The following GSE1 variants were observed in gnomAD, a reference collection of about 807,000 sequenced individuals.
GSE1 encodes the protein genetic suppressor element 1.
A neutral mutation model predicts 112.6 loss-of-function variants in GSE1; 32 were observed. The ratio of observed to expected loss-of-function variants is 0.28; its 90% confidence interval spans 0.21 to 0.38. The LOEUF is 0.38. GSE1 is among the 10% of genes least tolerant of loss of function. The pLI is 1.00. For synonymous variants in GSE1, 1,115 were observed against 735.6 expected (o/e 1.52, Z -8.35); for missense variants, 2,348 against 1,699.2 (o/e 1.38, Z -6.71).
At chr16:85,573,365 T>C (rs1347204705) in intron 1 of GSE1, among the ~76,000 whole-genome samples, 2 of 152,216 alleles carry the variant, frequency 1.3e-5, no homozygotes, top group South Asian at 4.1e-4. Flanking sequence ...TCCATGCATC[T>C]GTTGATGACG....
intron 1 of GSE1, among the ~76,000 whole-genome samples, chr16:85,633,394 CCG>C (rs978761914): frequency 5.9e-5 from 9 of 152,338 alleles, no homozygotes; most frequent in Non-Finnish European, 8.8e-5. Context: ...GGCAGAACTC[CCG>C]CCAGTCTTCT....
At chr16:85,625,865 CAGTG>C (rs1220646378) in intron 1 of GSE1, among the ~76,000 whole-genome samples, 2 of 152,116 alleles carry the variant, frequency 1.3e-5, no homozygotes. Flanking sequence ...TGCCGTGGCT[CAGTG>C]AGCGTGGCAG....
At chr16:85,217,244 G>A (rs571316646) in intron 1 of GSE1, among the ~76,000 whole-genome samples, 170 of 152,362 alleles carry the variant, frequency 1.1e-3, no homozygotes, top group African/African-American at 3.9e-3. Flanking sequence ...GACGATGGGG[G>A]AAAAGGGTGG....
chr16:85,456,057 C>T (rs2049817500), intron 2 of GSE1, among the ~76,000 whole-genome samples: 1 of 152,220 alleles, frequency 6.6e-6, no homozygotes, highest in Non-Finnish European at 1.5e-5. Flanking sequence ...AGGATTTGAA[C>T]TTGAGTGGCT....
Position 85,618,346 on chromosome 16 carries a change from A to G in GSE1, c.7+4948A>G, listed in dbSNP as rs2048511039. Among the ~76,000 whole-genome samples the G allele has an allele frequency of 3.9e-5, 6 of 152,240 alleles. No individual in the cohort carries two copies. In the South Asian group the frequency reaches 1.2e-3, roughly 32 times the overall value. ...TTGAGGGTGAGGATGAGATGCTGTAATGCCCGCCACATGCCCCTGACGGGT... is the reference window on the plus strand; with the variant it reads ...TTGAGGGTGAGGATGAGATGCTGTAGTGCCCGCCACATGCCCCTGACGGGT... On this transcript the variant is annotated intron_variant, in intron 1 of 15. Coordinates refer to ENST00000253458, the MANE Select transcript of GSE1 (RefSeq NM_014615.5).
chr16:85,600,098 C>G (rs2047397738), intron 1 of GSE1, among the ~76,000 whole-genome samples: 1 of 152,194 alleles, frequency 6.6e-6, no homozygotes, highest in South Asian at 2.1e-4. Flanking sequence ...GCATTGCAGC[C>G]AGAGAGACAC....
chr16:85,258,930 C>T (rs921613596), intron 1 of GSE1, among the ~76,000 whole-genome samples: 6 of 152,224 alleles, frequency 3.9e-5, no homozygotes, highest in Non-Finnish European at 7.3e-5. Flanking sequence ...GGCAATCGCT[C>T]AGCTGTCAGG....
chr16:85,252,116 A>G (rs575542304), intron 1 of GSE1, among the ~76,000 whole-genome samples: 1 of 152,330 alleles, frequency 6.6e-6, no homozygotes, highest in South Asian at 2.1e-4. Flanking sequence ...TGTGGGATTA[A>G]ACGAAGCTTG....
intron 2 of GSE1, among the ~76,000 whole-genome samples, chr16:85,516,284 G>A (rs1268156432): frequency 6.6e-6 from 1 of 151,968 alleles, no homozygotes; most frequent in African/African-American, 2.4e-5. Context: ...TGCTCTACCT[G>A]TGACCTTGTG....
rs557189820 is a variant in GSE1, at chr16:85,220,965, C to G, written c.2283+49158C>G. On this transcript the variant is annotated intron_variant, in intron 1 of 2. Coordinates refer to the GSE1 transcript ENST00000637419. Reference sequence around the variant, plus strand: ...CCCACCCCCTCCTCCAGTGGCCCCTCTCCCCCTCCCTGGCCCAGCAAGGCA... The same window carrying G: ...CCCACCCCCTCCTCCAGTGGCCCCTGTCCCCCTCCCTGGCCCAGCAAGGCA... Among the ~76,000 whole-genome samples, 580 of 149,924 alleles carry G rather than the reference C, an allele frequency of 3.9e-3. 3 individuals carry two copies. The highest frequency in any genetic ancestry group is 4.5e-3 in the Non-Finnish European group (301 of 67,352).
At chr16:85,209,316 G>C (rs964731024) in intron 1 of GSE1, among the ~76,000 whole-genome samples, 2 of 152,148 alleles carry the variant, frequency 1.3e-5, no homozygotes, top group Non-Finnish European at 2.9e-5. Flanking sequence ...GTCATAGCTG[G>C]CCAGGGCAAC....
intron 2 of GSE1, among the ~76,000 whole-genome samples, chr16:85,464,995 G>C (rs1175478353): frequency 1.1e-4 from 16 of 152,358 alleles, no homozygotes; most frequent in Non-Finnish European, 1.5e-5. Flanking sequence ...AGGAAACAGT[G>C]TGCTCGTTTT....
rs550497655 is a variant in GSE1, at chr16:85,654,397, C to T, written c.546C>T (p.Pro182=). 1.9e-6 allele frequency: 3 copies of T among 1,602,734 alleles called. No individual in the cohort carries two copies. Among genetic ancestry groups the T allele is most frequent in the Non-Finnish European group, 2.6e-6 (3 of 1,174,636 alleles). The part of the protein sequence containing the change: ...IPSHLLSTPY[P]FGLSPSSVVQ... ...CGCACCTGCTCAGCACCCCCTACCC[C>T]TTCGGCCTCTCCCCCAGCTCAGTTG... is the stretch of plus-strand genomic sequence containing the variant. Residue 182 remains proline, a synonymous_variant, in exon 4 of 16, where the codon CCC becomes CCT. Transcript: ENST00000253458.
At chr16:85,282,069 C>G (rs995452046) in intron 1 of GSE1, among the ~76,000 whole-genome samples, 1 of 151,838 alleles carries the variant, frequency 6.6e-6, no homozygotes, top group Non-Finnish European at 1.5e-5. Context: ...ACTCTGTCAC[C>G]CAGGCTGTAG....
At chr16:85,432,655 C>A (rs891718889) in intron 2 of GSE1, among the ~76,000 whole-genome samples, 2 of 152,236 alleles carry the variant, frequency 1.3e-5, no homozygotes, top group Admixed American at 6.5e-5. Flanking sequence ...TCCTCTTCCC[C>A]CATTTCTAAT....
intron 1 of GSE1, among the ~76,000 whole-genome samples, chr16:85,248,714 G>A (rs1320913927): frequency 1.3e-5 from 2 of 152,212 alleles, no homozygotes; most frequent in East Asian, 1.9e-4. Context: ...CAAGCAGGGA[G>A]GGGGGTGCTG....
At chr16:85,395,060 G>A (rs56354396) in intron 2 of GSE1, among the ~76,000 whole-genome samples, 44,701 of 152,014 alleles carry the variant, frequency 0.29, 8,038 homozygotes, top group East Asian at 0.58. Context: ...CGGGGAATGG[G>A]GCGGGCAGAG....
chr16:85,432,898 G>T (rs1427684839), intron 2 of GSE1, among the ~76,000 whole-genome samples: 2 of 152,104 alleles, frequency 1.3e-5, no homozygotes, highest in African/African-American at 4.8e-5. Flanking sequence ...CTCTATACGG[G>T]TCATCCTGTG....
chr16:85,656,732 G>A (rs4843185), intron 7 of GSE1, 67 bp downstream of exon 7: 362,434 of 1,436,758 alleles, frequency 0.25, 47,681 homozygotes, highest in Non-Finnish European at 0.27. Flanking sequence ...GCCCTGAATC[G>A]CAGCACCTGC....
Sources: gnomAD v4.1 joint callset for allele counts (sites outside exome capture counted in the v4.1 genomes callset) on GRCh38, gnomAD v4.1.1 for gene constraint, MANE v1.5 for transcripts, NCBI Gene and HGNC (gene_info 2026-07-23, HGNC 2026-07-21) for gene names.